Variants in PKHD1L1 observed in about 807,000 individuals in gnomAD.
PKHD1L1 encodes the protein fibrocystin-L.
Under a neutral mutation model 462.9 loss-of-function variants are expected in PKHD1L1, and 434 were observed. The observed-to-expected ratio is 0.94, with a 90% confidence interval of 0.87 to 1.02. PKHD1L1 has a LOEUF of 1.02. PKHD1L1 is among the 50% of genes least tolerant of loss of function. The pLI, the probability that PKHD1L1 is intolerant of heterozygous loss-of-function variation, is 0.00. For synonymous variants in PKHD1L1, 1,781 were observed against 1,750.0 expected (o/e 1.02, Z -0.44); for missense variants, 5,202 against 5,096.1 (o/e 1.02, Z -0.63).
chr8:109,372,673 T>C (rs923460783), intron 2 of PKHD1L1, among the ~76,000 whole-genome samples: 1 of 152,212 alleles, frequency 6.6e-6, no homozygotes, highest in Non-Finnish European at 1.5e-5. Context: ...TTTTGAGATA[T>C]GTCCCATCAA....
In PKHD1L1 at chr8:109,408,112, A is replaced by G; in HGVS notation, c.1877A>G (p.Glu626Gly). The G allele has an allele frequency of 6.2e-7, 1 of 1,613,514 alleles. No homozygotes were observed. The highest frequency in any genetic ancestry group is 8.5e-7 in the Non-Finnish European group (1 of 1,179,592). The change falls in exon 18 of 78, where the codon GAA becomes GGA. Residue 626 changes from glutamate to glycine, a missense_variant. This residue lies in a region of PKHD1L1 where 4,497 missense variants were observed against 4,336.8 expected (regional missense o/e 1.04). Coordinates refer to ENST00000378402, the MANE Select transcript of PKHD1L1 (RefSeq NM_177531.6). ...AATAATGTCACACTGGATATTACAG[A>G]ACAAACCAAAGGAAAACCCAACTTG... ...EGNNVTLDIT[E>G]QTKGKPNLET... is the part of the protein sequence containing the mutation.
chr8:109,452,696 G>A, intron 42 of PKHD1L1, 22 bp from the exon 43 acceptor site: 1 of 1,374,418 alleles, frequency 7.3e-7, no homozygotes, highest in Non-Finnish European at 9.4e-7. Flanking sequence ...TAAATTTTAA[G>A]GTCTCTTATG....
intron 45 of PKHD1L1, among the ~76,000 whole-genome samples, chr8:109,455,404 G>GGAA (rs1390220609): frequency 6.6e-6 from 1 of 152,072 alleles, no homozygotes; most frequent in Non-Finnish European, 1.5e-5. Flanking sequence ...GTCACACTTG[G>GGAA]GAAAGCCTTT....
intron 2 of PKHD1L1, among the ~76,000 whole-genome samples, chr8:109,378,082 T>C (rs1277069154): frequency 6.6e-6 from 1 of 152,104 alleles, no homozygotes; most frequent in Non-Finnish European, 1.5e-5. Flanking sequence ...GCCTTCCCCT[T>C]GCTCCACACA....
chr8:109,486,779 G>A lies in PKHD1L1; in HGVS notation c.9838G>A (p.Val3280Ile), dbSNP rs369177302. 6.1e-5 allele frequency: 99 copies of A among 1,612,080 alleles called. No homozygotes were observed. The highest frequency in any genetic ancestry group is 1.6e-4 in the Middle Eastern group (1 of 6,066). Residue 3280 changes from valine to isoleucine, a missense_variant, in exon 59 of 78, where the codon GTA (valine) becomes ATA (isoleucine). Transcript: ENST00000378402. ...GTCTGAGGACTCTTTTGGAGCACGC[G>A]TACTGGTTGGCTCATTCACTGAAAA... ...GWSEDSFGAR[V>I]LVGSFTENMM... is the part of the protein sequence containing the mutation.
In PKHD1L1 at chr8:109,464,424, G is replaced by C. The variant is rs777131230; in HGVS notation, c.7592G>C (p.Gly2531Ala). 7.4e-6 allele frequency: 12 copies of C among 1,613,428 alleles called. No homozygotes were observed. In the South Asian group the frequency reaches 1.3e-4, roughly 18 times the overall value. ...GGAGGAGCATTTTTTATAGAAGATG[G>C]TATTGAACATGGCAATATCCTCCAG... ...IKGGAFFIED[G>A]IEHGNILQYN... The change falls in exon 49 of 78, where the codon GGT becomes GCT. Residue 2531 changes from glycine to alanine, a missense_variant. Around this residue, in one of 3 missense-constraint regions of PKHD1L1, gnomAD observed 4,497 missense variants for 4,336.8 expected, o/e 1.04. Transcript: ENST00000378402.
chr8:109,522,914 CT>C (rs1479877977), intron 75 of PKHD1L1, 24 bp downstream of exon 75: 1 of 1,567,252 alleles, frequency 6.4e-7, no homozygotes, highest in Admixed American at 1.9e-5. Context: ...CAAAATTTTA[CT>C]TAAGTGAAGG....
intron 38 of PKHD1L1, among the ~76,000 whole-genome samples, chr8:109,447,917 A>G (rs1349973308): frequency 6.6e-6 from 1 of 152,194 alleles, no homozygotes; most frequent in African/African-American, 2.4e-5. Context: ...GAAGGGCTGG[A>G]AAAATAATAA....
chr8:109,412,897 A>G (rs150201149), intron 20 of PKHD1L1, among the ~76,000 whole-genome samples: 7 of 152,164 alleles, frequency 4.6e-5, no homozygotes, highest in African/African-American at 1.7e-4. Flanking sequence ...TAAAATTCTC[A>G]AATTGTGGCA....
At chr8:109,411,738 C>T (rs2130600175) in intron 19 of PKHD1L1, among the ~76,000 whole-genome samples, 1 of 152,278 alleles carries the variant, frequency 6.6e-6, no homozygotes, top group East Asian at 1.9e-4. Context: ...ACCTCTTTTC[C>T]ATTCCAACAG....
chr8:109,451,555 T>G (rs1443820650), intron 41 of PKHD1L1, among the ~76,000 whole-genome samples: 1 of 152,210 alleles, frequency 6.6e-6, no homozygotes, highest in African/African-American at 2.4e-5. Context: ...CATACAGCAG[T>G]TCTATTCCAC....
chr8:109,464,963 G>A lies in PKHD1L1; in HGVS notation c.8131G>A (p.Gly2711Ser), dbSNP rs1201050500. Residue 2711 changes from glycine to serine, a missense_variant, in exon 49 of 78, where the codon GGC becomes AGC. Physicochemically the swap from Gly to Ser is moderately conservative, Grantham distance 56 (BLOSUM62 0). Around this residue, in one of 3 missense-constraint regions of PKHD1L1, gnomAD observed 4,497 missense variants for 4,336.8 expected, o/e 1.04. Transcript: ENST00000378402. ...GGTGATTAAAAATGCCAAAATAGTC[G>A]GCCATCTTGATGAACTGGGAATGGG... Reference protein sequence around the residue: ...GAVIKNAKIVGHLDELGMGSA... With the variant: ...GAVIKNAKIVSHLDELGMGSA... The A allele has an allele frequency of 2.7e-5, 44 of 1,613,656 alleles. No homozygotes were observed. The highest frequency in any genetic ancestry group is 8.9e-5 in the East Asian group (4 of 44,888).
At chr8:109,456,503 T>G in intron 46 of PKHD1L1, 112 bp downstream of exon 46, 1 of 1,095,488 alleles carries the variant, frequency 9.1e-7, no homozygotes, top group Non-Finnish European at 1.2e-6. Context: ...TTGAAATCTC[T>G]AATAAAGAAA....
At position 109,488,311 on chromosome 8, in the gene PKHD1L1, A is replaced by G. The variant is rs546815835; in HGVS notation, c.9880+1490A>G. ...TCATTATGTGCTCCTGGATCAAAAC[A>G]TATTTGACCTGTTCAAATCCATTGT... On this transcript the variant is annotated intron_variant, in intron 59 of 77. Transcript: ENST00000378402. Among the ~76,000 whole-genome samples, 5 of 152,116 alleles carry G rather than the reference A, an allele frequency of 3.3e-5. No homozygotes were observed. In the East Asian group the frequency reaches 9.7e-4, roughly 29 times the overall value.
rs1253704235 is a variant in PKHD1L1, at chr8:109,419,240, C to G, written c.2504C>G (p.Ser835Cys). The change falls in exon 22 of 78, where the codon TCT becomes TGT. Residue 835 changes from serine to cysteine, a missense_variant. Physicochemically the swap from Ser to Cys is moderately radical, Grantham distance 112. This residue lies in a region of PKHD1L1 where 4,497 missense variants were observed against 4,336.8 expected (regional missense o/e 1.04). Transcript: ENST00000378402. ...YVDVVYIGHT[S>C]TISTLDEMPK... Reference sequence around the variant, plus strand: ...GATGTAGTGTACATTGGACACACATCTACAATCTCAACATTGGATGGTATG... The same window carrying G: ...GATGTAGTGTACATTGGACACACATGTACAATCTCAACATTGGATGGTATG... 1.2e-6 allele frequency: 2 copies of G among 1,605,910 alleles called. No individual in the cohort carries two copies. Among genetic ancestry groups the G allele is most frequent in the East Asian group, 2.2e-5 (1 of 44,780 alleles).
In PKHD1L1 at chr8:109,535,298, T is replaced by C. The variant is rs1204523606; in HGVS notation, c.*5208T>C. On this transcript the variant is annotated 3_prime_UTR_variant, in exon 78 of 78. Transcript: ENST00000378402. ...TTTGGTTTTTCATTACAGTAACTTATGCATTTAGGCAGATGATCCTTTATA... is the reference window on the plus strand; with the variant it reads ...TTTGGTTTTTCATTACAGTAACTTACGCATTTAGGCAGATGATCCTTTATA... 6.6e-6 allele frequency among the ~76,000 whole-genome samples: 1 copy of C among 152,226 alleles called. No homozygotes were observed. The highest frequency in any genetic ancestry group is 1.9e-4 in the East Asian group (1 of 5,200).
rs763474549 is a variant in PKHD1L1 at position 109,522,803 on chromosome 8, CTCACTCTTAGTGA to C, written c.12250_12262del (p.Leu4084SerfsTer17). 8.1e-6 allele frequency: 13 copies of C among 1,612,232 alleles called. No individual in the cohort carries two copies. Among genetic ancestry groups the C allele is most frequent in the Non-Finnish European group, 1.1e-5 (13 of 1,179,454 alleles). On this transcript the variant is annotated frameshift_variant, in exon 75 of 78. Coordinates refer to ENST00000378402, the MANE Select transcript of PKHD1L1 (RefSeq NM_177531.6). LOFTEE classifies it high-confidence loss of function. ...CTGTTCATCACGTGGCCTTCGTGTCCTCACTCTTAGTGATCACTCAGCCGGTGGCAGCACAGCC... is the reference window on the plus strand; with the variant it reads ...CTGTTCATCACGTGGCCTTCGTGTCCTCACTCAGCCGGTGGCAGCACAGCC...
In PKHD1L1 at chr8:109,515,308, ATTGTCTC is replaced by A; in HGVS notation, c.11689+4_11689+10del. The A allele has an allele frequency of 1.3e-6, 2 of 1,550,790 alleles. No individual in the cohort carries two copies. Among genetic ancestry groups the A allele is most frequent in the Non-Finnish European group, 1.7e-6 (2 of 1,147,818 alleles). On this transcript the variant is annotated splice_donor_5th_base_variant and intron_variant, in intron 72 of 77. Coordinates refer to ENST00000378402, the MANE Select transcript of PKHD1L1 (RefSeq NM_177531.6). ...ACTTAATAACCATCTGTACAAAGGT[ATTGTCTC>A]AGAAAAAATACAGTACACATGGAAA... is the stretch of plus-strand genomic sequence containing the variant.
chr8:109,383,816 A>G (rs1812293859), intron 4 of PKHD1L1, among the ~76,000 whole-genome samples: 1 of 151,906 alleles, frequency 6.6e-6, no homozygotes. Flanking sequence ...TCACCATCTC[A>G]AGTTAGAAAC....
Sources: gnomAD v4.1 joint callset for allele counts (sites outside exome capture counted in the v4.1 genomes callset) on GRCh38, gnomAD v4.1.1 for gene constraint, gnomAD v4.1.1 regional missense constraint, MANE v1.5 for transcripts, NCBI Gene and HGNC (gene_info 2026-07-23, HGNC 2026-07-21) for gene names.